Variants in PCDHGB6 observed in about 807,000 individuals in gnomAD.
The protein encoded by PCDHGB6 is protocadherin gamma subfamily B, 6, also known as protocadherin gamma-B6.
PCDHGB6 carries 51 observed loss-of-function variants against 59.1 expected under a neutral mutation model. That is an observed-to-expected ratio of 0.86 (90% confidence interval 0.69 to 1.09). The LOEUF is 1.09. Ranked by LOEUF, PCDHGB6 falls within the 50% of genes least tolerant of loss-of-function variation. The probability of loss-of-function intolerance (pLI) is 0.00; values close to 1 mark genes in which losing one functional copy is unlikely to be tolerated. For missense variants in PCDHGB6, 1,148 were observed against 1,205.1 expected, an observed-to-expected ratio of 0.95 and a Z score of 0.70; for synonymous variants, 466 against 495.1, an observed-to-expected ratio of 0.94 and a Z score of 0.78.
At position 141,494,704 on chromosome 5, in the gene PCDHGB6, T is replaced by C. The variant is rs2099756232; in HGVS notation, c.2419-103T>C. Reference sequence around the variant, plus strand: ...CCCCCTCTTAGTCCGTTTTCTTCTCTGTGCCCACTCCCCTCCTTCTCTCCC... The same window carrying C: ...CCCCCTCTTAGTCCGTTTTCTTCTCCGTGCCCACTCCCCTCCTTCTCTCCC... On this transcript the variant is annotated intron_variant, in intron 1 of 3. Transcript: ENST00000520790. The C allele has an allele frequency of 3.1e-6, 5 of 1,597,570 alleles. No individual in the cohort carries two copies. The Admixed American group carries it at 8.5e-5, about 27-fold the overall frequency.
chr5:141,501,299 AC>A (rs1446641380), intron 2 of PCDHGB6, among the ~76,000 whole-genome samples: 1 of 149,208 alleles, frequency 6.7e-6, no homozygotes, highest in African/African-American at 2.5e-5. Flanking sequence ...ATACACACAC[AC>A]ACACACACAC....
chr5:141,477,719 T>C lies in PCDHGB6; in HGVS notation c.2419-17088T>C. 6.2e-7 allele frequency: 1 copy of C among 1,613,876 alleles called. No individual in the cohort carries two copies. Among genetic ancestry groups the C allele is most frequent in the Non-Finnish European group, 8.5e-7 (1 of 1,180,028 alleles). ...CTATGAGGATCGGCGGGAATTTGAA[T>C]TAACAGCTCATATCAGCGATGGGGG... On this transcript the variant is annotated intron_variant, in intron 1 of 3. Transcript: ENST00000520790. The surrounding 1 kb of genome is among the most constrained non-coding windows in gnomAD (Gnocchi z 4.9).
intron 2 of PCDHGB6, 88 bp from the exon 3 acceptor site, chr5:141,505,305 C>G (rs1363643214): frequency 1.0e-5 from 16 of 1,595,104 alleles, no homozygotes; most frequent in African/African-American, 2.7e-5. Flanking sequence ...GGTTAGGGTA[C>G]TAGGTTTGGG....
intron 1 of PCDHGB6, among the ~76,000 whole-genome samples, chr5:141,474,142 T>G (rs2099344082): frequency 6.6e-6 from 1 of 152,212 alleles, no homozygotes; most frequent in African/African-American, 2.4e-5. Flanking sequence ...ACAGGCCTTA[T>G]TATCAAGAAA....
Position 141,432,826 on chromosome 5 carries a change from CACTCTGTACCT to C in PCDHGB6, c.2418+22207_2418+22217del, listed in dbSNP as rs1251102522. 6.2e-7 allele frequency: 1 copy of C among 1,614,096 alleles called. No homozygotes were observed. Among genetic ancestry groups the C allele is most frequent in the Non-Finnish European group, 8.5e-7 (1 of 1,180,020 alleles). On this transcript the variant is annotated intron_variant, in intron 1 of 3. Coordinates refer to ENST00000520790, the MANE Select transcript of PCDHGB6 (RefSeq NM_018926.3). This position sits in a 1 kb window ranked among gnomAD's most constrained non-coding sequence, Gnocchi z 6.0. Reference sequence around the variant, plus strand: ...CAGCTAACTCTGAAACCTCAGACCTCACTCTGTACCTGGTGGTAGCGGTGGCCGCGGTCTCC... The same window carrying C: ...CAGCTAACTCTGAAACCTCAGACCTCGGTGGTAGCGGTGGCCGCGGTCTCC...
chr5:141,415,247 C>G, intron 1 of PCDHGB6: 1 of 1,614,210 alleles, frequency 6.2e-7, no homozygotes. Context: ...TCTGAAACCT[C>G]AGACCTCACT....
At chr5:141,421,579 T>A (rs753573473) in intron 1 of PCDHGB6, 1 of 1,613,934 alleles carries the variant, frequency 6.2e-7, no homozygotes, top group Non-Finnish European at 8.5e-7. Flanking sequence ...CTTGAAGATT[T>A]ACGGAGTGGA....
rs774630488 is a variant in PCDHGB6 at position 141,490,640 on chromosome 5, G to A, written c.2419-4167G>A. On this transcript the variant is annotated intron_variant, in intron 1 of 3. Transcript: ENST00000520790. The surrounding 1 kb of genome is among the most constrained non-coding windows in gnomAD (Gnocchi z 5.4). Reference sequence around the variant, plus strand: ...TACACTGCTTACATCCTAGAAAACCGGCCTCCGGGCTCCCTTCTTTGCACT... The same window carrying A: ...TACACTGCTTACATCCTAGAAAACCAGCCTCCGGGCTCCCTTCTTTGCACT... 2.6e-5 allele frequency: 42 copies of A among 1,614,004 alleles called. No individual in the cohort carries two copies. The highest frequency in any genetic ancestry group is 1.6e-4 in the Middle Eastern group (1 of 6,084).
rs754329108 is a variant in PCDHGB6 at position 141,408,309 on chromosome 5, C to T, written c.107C>T (p.Ser36Leu). 1.8e-5 allele frequency: 29 copies of T among 1,613,698 alleles called. No individual in the cohort carries two copies. The highest frequency in any genetic ancestry group is 2.0e-5 in the Non-Finnish European group (24 of 1,179,730). The change falls in exon 1 of 4, where the codon TCG becomes TTG. Residue 36 changes from serine to leucine, a missense_variant. Ser to Leu is a moderately radical substitution (Grantham distance 145). Transcript: ENST00000520790. ...ACCCTGAGTGAGCCGATCCGCTACT[C>T]GATTCCGGAGGAGCTGGCCAAGGGC... Reference protein sequence around the residue: ...YPTLSEPIRYSIPEELAKGSV... With the variant: ...YPTLSEPIRYLIPEELAKGSV...
chr5:141,417,285 A>C (rs913143514), intron 1 of PCDHGB6: 2 of 152,254 alleles, frequency 1.3e-5, no homozygotes, highest in African/African-American at 4.8e-5. Flanking sequence ...AAGGAACAAG[A>C]ATGACTGCCT....
intron 1 of PCDHGB6, among the ~76,000 whole-genome samples, chr5:141,466,514 T>C (rs1276000407): frequency 6.6e-6 from 1 of 152,226 alleles, no homozygotes; most frequent in Non-Finnish European, 1.5e-5. Context: ...AAGATCATTT[T>C]TTTTCCTCCC....
Position 141,491,680 on chromosome 5 carries a change from A to G in PCDHGB6, c.2419-3127A>G. The G allele has an allele frequency of 6.2e-7, 1 of 1,613,304 alleles. No individual in the cohort carries two copies. The highest frequency in any genetic ancestry group is 2.2e-5 in the East Asian group (1 of 44,820). ...TGACGCCATCCGGTCCCGCTCTAATACGCTGCGGGAGCGGAGCCAGGTGAG... is the reference window on the plus strand; with the variant it reads ...TGACGCCATCCGGTCCCGCTCTAATGCGCTGCGGGAGCGGAGCCAGGTGAG... On this transcript the variant is annotated intron_variant, in intron 1 of 3. Transcript: ENST00000520790. The surrounding 1 kb of genome is among the most constrained non-coding windows in gnomAD (Gnocchi z 6.9).
chr5:141,425,881 A>T (rs911454948), intron 1 of PCDHGB6, among the ~76,000 whole-genome samples: 1 of 152,230 alleles, frequency 6.6e-6, no homozygotes, highest in Non-Finnish European at 1.5e-5. Flanking sequence ...TCTCTAAGGA[A>T]TCTTCTTTGG....
intron 1 of PCDHGB6, among the ~76,000 whole-genome samples, chr5:141,488,510 G>A (rs910546464): frequency 1.3e-5 from 2 of 152,152 alleles, no homozygotes; most frequent in Non-Finnish European, 2.9e-5. Context: ...TCCACATTTG[G>A]GGTCTGGGGT....
intron 1 of PCDHGB6, chr5:141,471,227 T>C (rs2099253010): frequency 6.6e-6 from 1 of 151,604 alleles, no homozygotes; most frequent in Admixed American, 6.6e-5. Flanking sequence ...TTTTTTGTAT[T>C]TTTAGTAGAG....
intron 1 of PCDHGB6, among the ~76,000 whole-genome samples, chr5:141,480,873 C>A (rs1026513782): frequency 6.6e-6 from 1 of 152,168 alleles, no homozygotes; most frequent in East Asian, 1.9e-4. Context: ...GGTGAAACCC[C>A]GTCTCTACTA....
Position 141,511,132 on chromosome 5 carries a change from A to G in PCDHGB6, c.2752A>G (p.Asn918Asp). The change falls in exon 4 of 4, where the codon AAT (asparagine) becomes GAT (aspartate). Residue 918 changes from asparagine to aspartate, a missense_variant. Around this residue, in one of 5 missense-constraint regions of PCDHGB6, gnomAD observed 283 missense variants for 318.6 expected, o/e 0.89. Coordinates refer to ENST00000520790, the MANE Select transcript of PCDHGB6 (RefSeq NM_018926.3). ...GGATGGCAAGGCCCCAGCAGGTGGC[A>G]ATGGCAACAAGAAGAAGTCGGGCAA... ...KRDGKAPAGG[N>D]GNKKKSGKKE... is the part of the protein sequence containing the mutation. The G allele has an allele frequency of 6.2e-7, 1 of 1,614,218 alleles. No individual in the cohort carries two copies. Among genetic ancestry groups the G allele is most frequent in the Non-Finnish European group, 8.5e-7 (1 of 1,180,018 alleles).
intron 1 of PCDHGB6, chr5:141,428,516 G>A (rs763205471): frequency 3.6e-6 from 1 of 281,256 alleles, no homozygotes; most frequent in Non-Finnish European, 7.0e-6. Context: ...TCTAGAAAAA[G>A]AAGATTTAAT....
chr5:141,429,389 A>T (rs6890456), intron 1 of PCDHGB6, among the ~76,000 whole-genome samples: 7,460 of 147,570 alleles, frequency 0.051, 197 homozygotes, highest in South Asian at 0.075. Flanking sequence ...TTTTTTTTTA[A>T]AAAAAATTGA....
Sources: allele counts gnomAD v4.1 joint callset (sites outside exome capture counted in the v4.1 genomes callset), GRCh38; gene constraint gnomAD v4.1.1; regional missense constraint gnomAD v4.1.1; non-coding constraint Gnocchi (gnomAD v3.1); transcripts MANE v1.5; gene names NCBI Gene and HGNC (gene_info 2026-07-23, HGNC 2026-07-21).